LGSN: variants seen among roughly 807,000 people sequenced by gnomAD.
LGSN encodes lengsin.
LGSN carries 21 observed loss-of-function variants against 19.5 expected under a neutral mutation model. The ratio of observed to expected loss-of-function variants is 1.07; its 90% confidence interval spans 0.76 to 1.55. LGSN has a LOEUF of 1.55. Ranked by LOEUF, LGSN falls within the 40% of genes most tolerant of loss-of-function variation. LGSN has a pLI of 0.00. For missense variants in LGSN, 673 were observed against 608.5 expected (o/e 1.11, Z -1.12); for synonymous variants, 257 against 215.6 (o/e 1.19, Z -1.68).
chr6:63,352,777 G>T, the LGSN span, among the ~76,000 whole-genome samples: 907 of 151,980 alleles, frequency 6.0e-3, 7 homozygotes, highest in African/African-American at 0.02. Flanking sequence ...ATAGAATTTT[G>T]TTCCCCTCAC....
At chr6:63,346,843 C>A in the LGSN span, among the ~76,000 whole-genome samples, 5,493 of 152,228 alleles carry the variant, frequency 0.036, 337 homozygotes, top group African/African-American at 0.13. Context: ...TGAGTTAATG[C>A]TCGGTCATGC....
chr6:63,547,552 C>T, the LGSN span, among the ~76,000 whole-genome samples: 1 of 136,552 alleles, frequency 7.3e-6, no homozygotes, highest in African/African-American at 2.8e-5. Context: ...GTCGCCCAGG[C>T]TGGAGTGCAG....
the LGSN span, among the ~76,000 whole-genome samples, chr6:63,471,273 T>C: frequency 1.1e-5 from 1 of 91,070 alleles, no homozygotes; most frequent in Admixed American, 1.3e-4. Context: ...CCACCATGCC[T>C]GGCCCAGATT....
the LGSN span, among the ~76,000 whole-genome samples, chr6:63,332,196 C>A: frequency 6.6e-6 from 1 of 152,014 alleles, no homozygotes; most frequent in Non-Finnish European, 1.5e-5. Context: ...GATTGGTGAG[C>A]CTGGGTGCCT....
the LGSN span, among the ~76,000 whole-genome samples, chr6:63,389,107 G>T: frequency 6.6e-6 from 1 of 152,142 alleles, no homozygotes; most frequent in Non-Finnish European, 1.5e-5. Context: ...ACCCCTACGT[G>T]TAAGTAAACT....
chr6:63,412,402 A>AAGGAAGGAAG, the LGSN span, among the ~76,000 whole-genome samples: 2 of 133,232 alleles, frequency 1.5e-5, no homozygotes, highest in African/African-American at 7.0e-5. Context: ...AAAGAAGGAA[A>AAGGAAGGAAG]GAAAGAAAGA....
At chr6:63,348,031 T>C in the LGSN span, among the ~76,000 whole-genome samples, 1 of 152,024 alleles carries the variant, frequency 6.6e-6, no homozygotes, top group African/African-American at 2.4e-5. Context: ...TTTCTCCAAG[T>C]AAGAAAAAAA....
chr6:63,281,246 T>A, intron 3 of LGSN, 26 bp from the exon 4 acceptor site: 1 of 1,428,618 alleles, frequency 7.0e-7, no homozygotes, highest in South Asian at 1.8e-5. Flanking sequence ...AATGAAGAAA[T>A]TAGGTTTTGA....
the LGSN span, among the ~76,000 whole-genome samples, chr6:63,445,894 C>A: frequency 6.6e-6 from 1 of 152,106 alleles, no homozygotes; most frequent in African/African-American, 2.4e-5. Flanking sequence ...CAACCCCCAC[C>A]GCCCCATGAC....
the LGSN span, among the ~76,000 whole-genome samples, chr6:63,439,568 G>A: frequency 2.9e-3 from 441 of 152,076 alleles, 3 homozygotes; most frequent in African/African-American, 0.01. Context: ...AAAGTCTGAA[G>A]TATGGGACAG....
chr6:63,422,756 T>C, the LGSN span, among the ~76,000 whole-genome samples: 2 of 151,920 alleles, frequency 1.3e-5, no homozygotes, highest in African/African-American at 4.8e-5. Context: ...ATTCTAAAAA[T>C]TGTTCAAGTA....
the LGSN span, among the ~76,000 whole-genome samples, chr6:63,555,717 G>A: frequency 2.1e-4 from 29 of 141,146 alleles, no homozygotes; most frequent in African/African-American, 7.3e-4. Context: ...TTTTTGAGAC[G>A]GAGTCTCGCT....
chr6:63,326,489 G>A, the LGSN span, among the ~76,000 whole-genome samples: 1 of 152,216 alleles, frequency 6.6e-6, no homozygotes, highest in East Asian at 1.9e-4. Context: ...ACTGGGCACT[G>A]TGGAGCAGGG....
chr6:63,432,141 G>GAA, the LGSN span, among the ~76,000 whole-genome samples: 3 of 107,394 alleles, frequency 2.8e-5, no homozygotes, highest in African/African-American at 1.1e-4. Flanking sequence ...AAGAAAGAAA[G>GAA]AAAGAAAGAA....
the LGSN span, among the ~76,000 whole-genome samples, chr6:63,419,749 G>A: frequency 4.1e-4 from 62 of 151,308 alleles, no homozygotes; most frequent in Middle Eastern, 3.4e-3. Flanking sequence ...TTAGCCGGCC[G>A]TGTTGGTGGA....
the LGSN span, among the ~76,000 whole-genome samples, chr6:63,370,673 T>G: frequency 6.6e-6 from 1 of 152,192 alleles, no homozygotes; most frequent in African/African-American, 2.4e-5. Context: ...CACCCCCAGC[T>G]GAGGCCTGGG....
chr6:63,458,672 TC>T, the LGSN span, among the ~76,000 whole-genome samples: 25 of 152,312 alleles, frequency 1.6e-4, no homozygotes, highest in Middle Eastern at 3.4e-3. Context: ...GACTGGGTTC[TC>T]GCTAGGGACC....
the LGSN span, among the ~76,000 whole-genome samples, chr6:63,358,309 A>G: frequency 6.6e-6 from 1 of 152,134 alleles, no homozygotes; most frequent in African/African-American, 2.4e-5. Context: ...TTGTCTTGGC[A>G]ATGTGGGCTC....
the LGSN span, chr6:63,397,090 C>T: frequency 6.6e-6 from 1 of 152,312 alleles, no homozygotes; most frequent in African/African-American, 2.4e-5. Context: ...CTGCATCCCC[C>T]TCAAGCTACA....
Sources: allele counts gnomAD v4.1 joint callset (sites outside exome capture counted in the v4.1 genomes callset), GRCh38; gene constraint gnomAD v4.1.1; transcripts MANE v1.5; gene names NCBI Gene and HGNC (gene_info 2026-07-23, HGNC 2026-07-21).